Variants in SH3KBP1 observed in about 807,000 individuals in gnomAD.
SH3KBP1 encodes SH3 domain containing kinase binding protein 1.
SH3KBP1 carries 8 observed loss-of-function variants against 50.1 expected under a neutral mutation model. The observed-to-expected ratio is 0.16, with a 90% CI of 0.09 to 0.29. SH3KBP1 has a LOEUF of 0.29. Among genes scored for constraint, SH3KBP1 ranks in the 10% least tolerant of loss-of-function variants. The pLI is 1.00. For synonymous variants in SH3KBP1, 227 were observed against 218.6 expected, an observed-to-expected ratio of 1.04 and a Z score of -0.34; for missense variants, 377 against 535.2, an observed-to-expected ratio of 0.70 and a Z score of 2.92.
intron 2 of SH3KBP1, among the ~76,000 whole-genome samples, chrX:19,823,348 T>C (rs2067581674): frequency 8.9e-6 from 1 of 112,368 alleles, no homozygotes; most frequent in African/African-American, 3.2e-5. Context: ...GGCTAGACTT[T>C]TATCTGGCGG....
At chrX:19,572,446 CAT>C (rs980316822) in intron 12 of SH3KBP1, among the ~76,000 whole-genome samples, 124 of 104,663 alleles carry the variant, frequency 1.2e-3, no homozygotes, top group Non-Finnish European at 1.9e-3. Context: ...TTATATAGTA[CAT>C]GTTATATATA....
At chrX:19,751,873 G>C (rs1307064135) in intron 2 of SH3KBP1, among the ~76,000 whole-genome samples, 1 of 112,143 alleles carries the variant, frequency 8.9e-6, no homozygotes, top group Non-Finnish European at 1.9e-5. Context: ...CAGATGATGT[G>C]CATGCAACTG....
At chrX:19,728,290 TAA>T (rs1159985271) in intron 3 of SH3KBP1, among the ~76,000 whole-genome samples, 1 of 111,591 alleles carries the variant, frequency 9.0e-6, no homozygotes, top group South Asian at 3.7e-4. Flanking sequence ...CGTCAGCACA[TAA>T]AAAGTTTCAG....
At position 19,671,123 on chromosome X, in the gene SH3KBP1, C is replaced by T. The variant is rs1374823331; in HGVS notation, c.726+12700G>A. The stretch of plus-strand genomic sequence containing the variant: ...CTATGTTGCTGCTGCAATCTGGGCT[C>T]CCTCCTGGGGCCCCCAGGTGTGACC... On this transcript the variant is annotated intron_variant, in intron 6 of 17. Transcript: ENST00000397821. 5 of 705,296 alleles carry T rather than the reference C, an allele frequency of 7.1e-6. No individual in the cohort carries two copies. In the South Asian group the frequency reaches 2.6e-4, roughly 37 times the overall value. The allele number at this position is 705,296 out of a possible 1,213,427, so 58.1% of individuals were successfully genotyped here. A position where few individuals can be genotyped will look rare whatever the true frequency, so the allele number is the denominator to read the frequency against.
chrX:19,711,703 C>A (rs2063780718), intron 3 of SH3KBP1, among the ~76,000 whole-genome samples: 1 of 107,360 alleles, frequency 9.3e-6, no homozygotes, highest in South Asian at 4.1e-4. Context: ...TCAAATTAAT[C>A]AATTAGATCC....
At chrX:19,735,269 T>C (rs1167308550) in intron 3 of SH3KBP1, among the ~76,000 whole-genome samples, 1 of 111,913 alleles carries the variant, frequency 8.9e-6, no homozygotes, top group African/African-American at 3.2e-5. Flanking sequence ...ATTTGTTTCA[T>C]TGATTTTCTA....
intron 6 of SH3KBP1, among the ~76,000 whole-genome samples, chrX:19,676,775 C>T (rs2062937698): frequency 8.9e-6 from 1 of 112,507 alleles, no homozygotes; most frequent in South Asian, 3.6e-4. Context: ...CAAGTAAAAG[C>T]TACAATGTGG....
intron 2 of SH3KBP1, among the ~76,000 whole-genome samples, chrX:19,811,178 T>C (rs2067195311): frequency 9.0e-6 from 1 of 111,310 alleles, no homozygotes; most frequent in African/African-American, 3.3e-5. Flanking sequence ...GAAATAAGGA[T>C]TGAATTGTGG....
rs1413905602 is a variant in SH3KBP1, at chrX:19,708,792, TA to T, written c.287-1809del. ...GGCTTTCATTTGCTGGATGTTATGT[TA>T]AAAGCAAACTCTGCAGACACAAATC... On this transcript the variant is annotated intron_variant, in intron 3 of 17. Transcript: ENST00000397821. Among the ~76,000 whole-genome samples the T allele has an allele frequency of 6.3e-5, 7 of 111,713 alleles. No individual in the cohort carries two copies. The East Asian group carries it at 1.7e-3, about 27-fold the overall frequency.
chrX:19,799,108 A>G (rs1257898411), intron 2 of SH3KBP1, among the ~76,000 whole-genome samples: 2 of 104,859 alleles, frequency 1.9e-5, no homozygotes, highest in Non-Finnish European at 3.9e-5. Flanking sequence ...CACCCCCTTT[A>G]TTTCTTCACA....
chrX:19,543,935 T>G (rs988507441), intron 15 of SH3KBP1, among the ~76,000 whole-genome samples: 1 of 110,452 alleles, frequency 9.1e-6, no homozygotes, highest in East Asian at 2.9e-4. Context: ...GGACAGGATG[T>G]TGGGAGGCGG....
chrX:19,797,394 C>A (rs1173960324), intron 2 of SH3KBP1, among the ~76,000 whole-genome samples: 1 of 111,797 alleles, frequency 8.9e-6, no homozygotes, highest in Non-Finnish European at 1.9e-5. Context: ...AGTGCTGGGA[C>A]AGGCGAGAAC....
intron 1 of SH3KBP1, among the ~76,000 whole-genome samples, chrX:19,844,575 C>T (rs2068312274): frequency 9.0e-6 from 1 of 111,326 alleles, no homozygotes; most frequent in African/African-American, 3.3e-5. Flanking sequence ...AGCAGAGGGG[C>T]ATTCAATCAA....
intron 2 of SH3KBP1, among the ~76,000 whole-genome samples, chrX:19,773,655 GATC>G (rs2148895325): frequency 9.2e-6 from 1 of 108,616 alleles, no homozygotes; most frequent in East Asian, 2.9e-4. Flanking sequence ...AGGAGACTGA[GATC>G]ATCCTGGCTA....
At chrX:19,788,269 C>CAAAAAAA (rs1227301099) in intron 2 of SH3KBP1, among the ~76,000 whole-genome samples, 45 of 25,554 alleles carry the variant, frequency 1.8e-3, no homozygotes, top group African/African-American at 2.7e-3. Context: ...ATTCTATCTC[C>CAAAAAAA]AAAAAAAAAA....
chrX:19,672,221 T>C (rs1188308919), intron 6 of SH3KBP1, among the ~76,000 whole-genome samples: 2 of 111,823 alleles, frequency 1.8e-5, no homozygotes, highest in Non-Finnish European at 3.8e-5. Context: ...AATTCCCTTA[T>C]CAAAACCCAA....
chrX:19,660,471 A>T (rs1474474343), intron 6 of SH3KBP1, among the ~76,000 whole-genome samples: 1 of 111,810 alleles, frequency 8.9e-6, no homozygotes, highest in Non-Finnish European at 1.9e-5. Context: ...GAGGAAAGCG[A>T]TAACTGAAAA....
chrX:19,840,213 C>G (rs1245276049), intron 1 of SH3KBP1, among the ~76,000 whole-genome samples: 1 of 111,664 alleles, frequency 9.0e-6, no homozygotes, highest in Admixed American at 9.5e-5. Context: ...CCTCTGCAAG[C>G]CTTTGAAAGG....
In SH3KBP1 at chrX:19,645,459, A is replaced by G. The variant is rs2061969071; in HGVS notation, c.743T>C (p.Leu248Ser). ...GTCTGGAGTTGCTGTAGTTGCAGGTAACTTCTTCCCAATAGTCTGAGGGGA... is the reference window on the plus strand; with the variant it reads ...GTCTGGAGTTGCTGTAGTTGCAGGTGACTTCTTCCCAATAGTCTGAGGGGA... The part of the protein sequence containing the change: ...LPVEKTIGKK[L>S]PATTATPDSS... The change falls in exon 7 of 18, where the codon TTA becomes TCA. Residue 248 changes from leucine (L) to serine (S), a missense_variant. Physicochemically the swap from Leu to Ser is moderately radical, Grantham distance 145. This residue lies in a region of SH3KBP1 where 257 missense variants were observed against 374.2 expected (regional missense o/e 0.69). Coordinates refer to ENST00000397821, the MANE Select transcript of SH3KBP1 (RefSeq NM_031892.3). The G allele has an allele frequency of 8.3e-7, 1 of 1,199,240 alleles. No individual in the cohort carries two copies. The highest frequency in any genetic ancestry group is 1.1e-6 in the Non-Finnish European group (1 of 884,070).
Sources: gnomAD v4.1 joint callset for allele counts (sites outside exome capture counted in the v4.1 genomes callset) on GRCh38, gnomAD v4.1.1 for gene constraint, gnomAD v4.1.1 regional missense constraint, MANE v1.5 for transcripts, NCBI Gene and HGNC (gene_info 2026-07-23, HGNC 2026-07-21) for gene names.